Variants in SLC44A5 observed in about 807,000 individuals in gnomAD.
The protein encoded by SLC44A5 is choline transporter-like protein 5.
Under a neutral mutation model 101.8 loss-of-function variants are expected in SLC44A5, and 57 were observed. That is an observed-to-expected ratio of 0.56 (90% CI 0.45 to 0.70). The LOEUF is 0.70. Among genes scored for constraint, SLC44A5 ranks in the 30% least tolerant of loss-of-function variants. SLC44A5 has a pLI of 0.00. For synonymous variants in SLC44A5, 281 were observed against 290.9 expected, an observed-to-expected ratio of 0.97 and a Z score of 0.35; for missense variants, 737 against 853.1, an observed-to-expected ratio of 0.86 and a Z score of 1.70.
chr1:75,709,475 C>T, the SLC44A5 span, among the ~76,000 whole-genome samples: 1 of 152,304 alleles, frequency 6.6e-6, no homozygotes, highest in East Asian at 1.9e-4. Flanking sequence ...GAATTTTTAA[C>T]TATCTGAAGC....
the SLC44A5 span, among the ~76,000 whole-genome samples, chr1:75,658,719 C>G: frequency 6.6e-6 from 1 of 151,792 alleles, no homozygotes; most frequent in Non-Finnish European, 1.5e-5. Flanking sequence ...CATCAAAGAA[C>G]TAGAAAAGCA....
chr1:75,386,046 A>G (rs1484403612), intron 3 of SLC44A5, among the ~76,000 whole-genome samples: 2 of 152,166 alleles, frequency 1.3e-5, no homozygotes, highest in Non-Finnish European at 2.9e-5. Flanking sequence ...TTAGGCATTG[A>G]TGGGACGTAT....
At chr1:75,485,946 G>A (rs910855700) in intron 2 of SLC44A5, among the ~76,000 whole-genome samples, 6 of 152,076 alleles carry the variant, frequency 3.9e-5, no homozygotes, top group African/African-American at 1.2e-4. Context: ...CAGCAAGGGA[G>A]AAATCCACTC....
chr1:75,672,478 G>A, the SLC44A5 span, among the ~76,000 whole-genome samples: 1 of 152,076 alleles, frequency 6.6e-6, no homozygotes, highest in Non-Finnish European at 1.5e-5. Context: ...ACCACCATGG[G>A]CTAAAGTGCT....
At chr1:75,469,232 CT>C (rs1666976271) in intron 2 of SLC44A5, among the ~76,000 whole-genome samples, 1 of 152,166 alleles carries the variant, frequency 6.6e-6, no homozygotes, top group South Asian at 2.1e-4. Flanking sequence ...ACATTTACAG[CT>C]CATCTCAATT....
chr1:75,477,388 G>GA (rs1557826922), intron 2 of SLC44A5, among the ~76,000 whole-genome samples: 1 of 152,194 alleles, frequency 6.6e-6, no homozygotes, highest in Non-Finnish European at 1.5e-5. Flanking sequence ...ACCAGCAACG[G>GA]AACAAAGCTG....
At chr1:75,511,075 G>A (rs542861491) in intron 2 of SLC44A5, among the ~76,000 whole-genome samples, 2 of 152,142 alleles carry the variant, frequency 1.3e-5, no homozygotes, top group African/African-American at 2.4e-5. Flanking sequence ...CCTGGGAGGC[G>A]GAGCTTGCAG....
the SLC44A5 span, among the ~76,000 whole-genome samples, chr1:75,718,647 C>T: frequency 2.6e-5 from 4 of 152,114 alleles, no homozygotes; most frequent in African/African-American, 4.8e-5. Flanking sequence ...TCATGAGCTG[C>T]GAGCCTCTTT....
At chr1:75,718,549 A>G in the SLC44A5 span, among the ~76,000 whole-genome samples, 1 of 152,188 alleles carries the variant, frequency 6.6e-6, no homozygotes, top group African/African-American at 2.4e-5. Context: ...TGTCAGAGAA[A>G]CACTCTAACG....
At chr1:75,660,983 A>G in the SLC44A5 span, among the ~76,000 whole-genome samples, 1 of 152,146 alleles carries the variant, frequency 6.6e-6, no homozygotes, top group African/African-American at 2.4e-5. Context: ...AAATAGAAAA[A>G]CAATCCTAAA....
chr1:75,714,387 A>G, the SLC44A5 span, among the ~76,000 whole-genome samples: 1 of 152,180 alleles, frequency 6.6e-6, no homozygotes, highest in East Asian at 1.9e-4. Context: ...TCAAAACAAT[A>G]AGAGTCATCT....
At chr1:75,402,355 A>G in intron 2 of SLC44A5, 1 of 277,706 alleles carries the variant, frequency 3.6e-6, no homozygotes, top group Non-Finnish European at 7.7e-6. Flanking sequence ...TTTTTTAAGA[A>G]ACAGATGACA....
At chr1:75,250,556 T>C (rs1649483342) in intron 7 of SLC44A5, among the ~76,000 whole-genome samples, 1 of 152,178 alleles carries the variant, frequency 6.6e-6, no homozygotes, top group Admixed American at 6.5e-5. Context: ...TTTCTGTCTT[T>C]AGGTCTTTGA....
intron 2 of SLC44A5, among the ~76,000 whole-genome samples, chr1:75,524,127 CTCT>C (rs1670292052): frequency 6.6e-6 from 1 of 152,144 alleles, no homozygotes; most frequent in Non-Finnish European, 1.5e-5. Flanking sequence ...GGGAACAGAT[CTCT>C]TCTTTGCTGT....
At chr1:75,280,608 G>T (rs955840995) in intron 5 of SLC44A5, among the ~76,000 whole-genome samples, 62 of 149,016 alleles carry the variant, frequency 4.2e-4, no homozygotes, top group African/African-American at 1.5e-3. Context: ...ATCTCATCTT[G>T]AATTGTTATC....
chr1:75,254,975 T>C (rs572902665), intron 6 of SLC44A5, among the ~76,000 whole-genome samples: 11 of 152,192 alleles, frequency 7.2e-5, no homozygotes, highest in Non-Finnish European at 1.2e-4. Context: ...CTGAATGCCA[T>C]GCTGGGCCAC....
At chr1:75,666,931 G>GT in the SLC44A5 span, among the ~76,000 whole-genome samples, 1 of 152,072 alleles carries the variant, frequency 6.6e-6, no homozygotes, top group Non-Finnish European at 1.5e-5. Flanking sequence ...TTGATGGAAC[G>GT]TATCTCAAAA....
At chr1:75,299,294 C>T (rs1225242022) in intron 5 of SLC44A5, among the ~76,000 whole-genome samples, 1 of 152,098 alleles carries the variant, frequency 6.6e-6, no homozygotes, top group African/African-American at 2.4e-5. Context: ...ATTTTTCTCT[C>T]CCTCCCTATT....
intron 5 of SLC44A5, among the ~76,000 whole-genome samples, chr1:75,293,656 G>A (rs61798669): frequency 9.1e-4 from 139 of 152,288 alleles, no homozygotes; most frequent in Non-Finnish European, 1.8e-3. Context: ...ATTTTTGGAA[G>A]CAGTCCTGTA....
Sources: allele counts gnomAD v4.1 joint callset (sites outside exome capture counted in the v4.1 genomes callset), GRCh38; gene constraint gnomAD v4.1.1; transcripts MANE v1.5; gene names NCBI Gene and HGNC (gene_info 2026-07-23, HGNC 2026-07-21).